The following STAT5B variants were observed in gnomAD, a reference collection of about 807,000 sequenced individuals.
STAT5B encodes the protein signal transducer and activator of transcription 5B.
In STAT5B, 21 loss-of-function variants were observed where a neutral mutation model predicts 107.8. The ratio of observed to expected loss-of-function variants is 0.19; its 90% confidence interval spans 0.14 to 0.28. STAT5B has a LOEUF of 0.28. Among genes scored for constraint, STAT5B ranks in the 10% least tolerant of loss-of-function variants. STAT5B has a pLI of 1.00. For synonymous variants in STAT5B, 325 were observed against 401.7 expected (o/e 0.81, Z 2.28); for missense variants, 565 against 1,008.2 (o/e 0.56, Z 5.95).
At chr17:42,259,110 C>T (rs2080572003) in intron 1 of STAT5B, among the ~76,000 whole-genome samples, 1 of 152,122 alleles carries the variant, frequency 6.6e-6, no homozygotes, top group South Asian at 2.1e-4. Context: ...AAACACCCTG[C>T]CTAAAAGTGA....
Position 42,210,384 on chromosome 17 carries a change from A to G in STAT5B, c.1775+19T>C. On this transcript the variant is annotated intron_variant, in intron 14 of 18. Coordinates refer to ENST00000293328, the MANE Select transcript of STAT5B (RefSeq NM_012448.4). Reference sequence around the variant, plus strand: ...GACCTTCAGACTCTGTCGGCGCCTTAAGAAATAATGATTCTCACCCATCAT... The same window carrying G: ...GACCTTCAGACTCTGTCGGCGCCTTGAGAAATAATGATTCTCACCCATCAT... 6.2e-7 allele frequency: 1 copy of G among 1,614,168 alleles called. No individual in the cohort carries two copies.
chr17:42,222,657 T>G (rs1161800035), intron 5 of STAT5B, among the ~76,000 whole-genome samples: 1 of 151,812 alleles, frequency 6.6e-6, no homozygotes, highest in Non-Finnish European at 1.5e-5. Context: ...ATTACAGGTG[T>G]GCAAAACCAC....
chr17:42,227,764 T>C, intron 2 of STAT5B, 79 bp from the exon 3 acceptor site: 2 of 1,471,576 alleles, frequency 1.4e-6, no homozygotes, highest in Admixed American at 2.0e-5. Context: ...ACATCCTACT[T>C]TTTCTTCAAC....
At chr17:42,201,954 G>C in intron 18 of STAT5B, 90 bp from the exon 19 acceptor site, 2 of 1,230,338 alleles carry the variant, frequency 1.6e-6, no homozygotes, top group South Asian at 1.3e-5. Context: ...AGCAGTCTGA[G>C]CCAGCCTATG....
intron 1 of STAT5B, among the ~76,000 whole-genome samples, chr17:42,264,313 C>T (rs1356135444): frequency 1.3e-5 from 2 of 151,062 alleles, no homozygotes; most frequent in Non-Finnish European, 1.5e-5. Context: ...CCCACTAACT[C>T]GTCATCTGGC....
At chr17:42,225,801 C>G (rs1475113071) in intron 3 of STAT5B, among the ~76,000 whole-genome samples, 1 of 152,108 alleles carries the variant, frequency 6.6e-6, no homozygotes, top group African/African-American at 2.4e-5. Context: ...GGATGCAGAA[C>G]CCATGGACAT....
At chr17:42,234,106 G>C (rs1341136124) in intron 1 of STAT5B, 1 of 152,228 alleles carries the variant, frequency 6.6e-6, no homozygotes, top group Admixed American at 6.5e-5. Context: ...GTTACAGTTA[G>C]GGGCCGGTGA....
chr17:42,267,718 G>A (rs993083295), intron 1 of STAT5B, among the ~76,000 whole-genome samples: 32 of 152,146 alleles, frequency 2.1e-4, no homozygotes, highest in African/African-American at 7.5e-4. Flanking sequence ...GAGCACTTTG[G>A]GAGGTCAAAG....
intron 1 of STAT5B, chr17:42,272,305 G>A (rs886725227): frequency 6.6e-6 from 1 of 152,042 alleles, no homozygotes; most frequent in Non-Finnish European, 1.5e-5. Flanking sequence ...CCAGAAAAAC[G>A]GCTATCATTA....
At chr17:42,241,916 T>C (rs2080406836) in intron 1 of STAT5B, among the ~76,000 whole-genome samples, 1 of 152,048 alleles carries the variant, frequency 6.6e-6, no homozygotes, top group Admixed American at 6.6e-5. Flanking sequence ...CTACCCTATA[T>C]GCAATCAGGA....
chr17:42,237,245 G>T (rs1175003908), intron 1 of STAT5B, among the ~76,000 whole-genome samples: 1 of 152,116 alleles, frequency 6.6e-6, no homozygotes. Flanking sequence ...TCAGGCACTT[G>T]TTAATAAAAG....
intron 1 of STAT5B, among the ~76,000 whole-genome samples, chr17:42,263,871 G>GCACACACGCA (rs1555553707): frequency 3.4e-5 from 5 of 144,936 alleles, no homozygotes; most frequent in African/African-American, 1.3e-4. Context: ...TAGAAAGCGC[G>GCACACACGCA]CACACACACA....
upstream of STAT5B, among the ~76,000 whole-genome samples, chr17:42,279,190 G>GAAA (rs59058357): frequency 8.2e-6 from 1 of 121,310 alleles, no homozygotes. Context: ...CTCAAAAAAA[G>GAAA]AAAAAAAAAA....
At chr17:42,218,463 TC>T in intron 8 of STAT5B, 133 bp from the exon 9 acceptor site, 1 of 1,452,238 alleles carries the variant, frequency 6.9e-7, no homozygotes, top group South Asian at 1.3e-5. Context: ...CAGCCTCTGT[TC>T]CTGGGGAAGC....
rs938847324 is a variant in STAT5B at position 42,201,570 on chromosome 17, T to G, written c.*168A>C. The G allele has an allele frequency of 1.4e-6, 1 of 691,424 alleles. No individual in the cohort carries two copies. Among genetic ancestry groups the G allele is most frequent in the Non-Finnish European group, 2.6e-6 (1 of 378,250 alleles). 42.8% of individuals were successfully genotyped at this position (691,424 alleles called of 1,614,324 possible). A position where few individuals can be genotyped will look rare whatever the true frequency, so the allele number is the denominator to read the frequency against. ...CACACACACAAACACATACTCGCAC[T>G]CCCTTCGCTGGTGCCACCATGCACA... is the stretch of plus-strand genomic sequence containing the variant. On this transcript the variant is annotated 3_prime_UTR_variant, in exon 19 of 19. Coordinates refer to ENST00000293328, the MANE Select transcript of STAT5B (RefSeq NM_012448.4).
intron 1 of STAT5B, among the ~76,000 whole-genome samples, chr17:42,244,945 G>A (rs1008495726): frequency 2.0e-5 from 3 of 151,668 alleles, no homozygotes; most frequent in East Asian, 1.9e-4. Flanking sequence ...TCTTTCAACC[G>A]GGTTAAAGTG....
intron 1 of STAT5B, among the ~76,000 whole-genome samples, chr17:42,260,704 T>C (rs1183985930): frequency 6.6e-6 from 1 of 152,078 alleles, no homozygotes; most frequent in Non-Finnish European, 1.5e-5. Flanking sequence ...TAATCAATAA[T>C]TTTTATATTG....
chr17:42,212,914 C>G (rs1031128780), intron 12 of STAT5B, among the ~76,000 whole-genome samples: 1 of 152,244 alleles, frequency 6.6e-6, no homozygotes, highest in Non-Finnish European at 1.5e-5. Flanking sequence ...GCACCTAACA[C>G]AGTTTCTTGT....
At chr17:42,262,761 T>C (rs1246952518) in intron 1 of STAT5B, among the ~76,000 whole-genome samples, 1 of 140,610 alleles carries the variant, frequency 7.1e-6, no homozygotes. Flanking sequence ...TATGTGTGTA[T>C]ATATATACAT....
Sources: allele counts gnomAD v4.1 joint callset (sites outside exome capture counted in the v4.1 genomes callset), GRCh38; gene constraint gnomAD v4.1.1; transcripts MANE v1.5; gene names NCBI Gene and HGNC (gene_info 2026-07-23, HGNC 2026-07-21).